ALDOA: variants seen among roughly 807,000 people sequenced by gnomAD.
The protein encoded by ALDOA is aldolase, fructose-bisphosphate A, also known as fructose-bisphosphate aldolase A.
A neutral mutation model predicts 43.9 loss-of-function variants in ALDOA; 26 were observed. That is an observed-to-expected ratio of 0.59 (90% CI 0.43 to 0.82). The LOEUF (loss-of-function observed/expected upper bound fraction) is 0.82. Among genes scored for constraint, ALDOA ranks in the 40% least tolerant of loss-of-function variants. The pLI is 0.00. For synonymous variants in ALDOA, 258 were observed against 222.6 expected (o/e 1.16, Z -1.42); for missense variants, 498 against 549.5 (o/e 0.91, Z 0.94).
chr16:30,068,833 C>CT lies in ALDOA; in HGVS notation c.558dup (p.Glu187Ter). 4 of 1,614,236 alleles carry CT rather than the reference C, an allele frequency of 2.5e-6. No individual in the cohort carries two copies. Among genetic ancestry groups the CT allele is most frequent in the Non-Finnish European group, 3.4e-6 (4 of 1,180,048 alleles). ...CTTCTCTTAGGGTTGGATGGGCTGT[C>CT]TGAGCGCTGTGCCCAGTACAAGAAG... On this transcript the variant is annotated frameshift_variant, in exon 6 of 10. Coordinates refer to ENST00000642816, the MANE Select transcript of ALDOA (RefSeq NM_001243177.4). LOFTEE classifies it high-confidence loss of function.
In ALDOA at chr16:30,067,616, C is replaced by T. The variant is rs768645456; in HGVS notation, c.441C>T (p.Pro147=). 1.4e-5 allele frequency: 22 copies of T among 1,614,044 alleles called. No homozygotes were observed. In the South Asian group the frequency reaches 1.9e-4, roughly 14 times the overall value. Residue 147 remains proline (P), a synonymous_variant, in exon 4 of 10, where the codon CCC becomes CCT. Transcript: ENST00000642816. ...ACCAGAAGGCGGATGATGGGCGTCC[C>T]TTCCCCCAAGTTATCAAATCCAAGG... The part of the protein sequence containing the change: ...TLYQKADDGR[P]FPQVIKSKGG...
Position 30,067,678 on chromosome 16 carries a change from C to T in ALDOA, c.486+17C>T, listed in dbSNP as rs78209292. 8.7e-6 allele frequency: 14 copies of T among 1,613,790 alleles called. No individual in the cohort carries two copies. The highest frequency in any genetic ancestry group is 8.0e-5 in the African/African-American group (6 of 75,000). On this transcript the variant is annotated intron_variant, in intron 4 of 9. Transcript: ENST00000642816. ...GGCATCAAGGTAAGGGGAGGGCCTC[C>T]GGACGTGAGGTTTGAGATGGAAGTG...
At position 30,068,632 on chromosome 16, in the gene ALDOA, C is replaced by T. The variant is rs1045904834; in HGVS notation, c.487-14C>T. 1.2e-6 allele frequency: 2 copies of T among 1,614,102 alleles called. No homozygotes were observed. The highest frequency in any genetic ancestry group is 2.2e-5 in the East Asian group (1 of 44,874). On this transcript the variant is annotated splice_polypyrimidine_tract_variant and intron_variant, in intron 4 of 9. Transcript: ENST00000642816. ...ATTTCCTGTGTCTTAATGTTGTTACCCTGACCCCAACAGGTAGACAAGGGC... is the reference window on the plus strand; with the variant it reads ...ATTTCCTGTGTCTTAATGTTGTTACTCTGACCCCAACAGGTAGACAAGGGC...
chr16:30,070,253 G>GCC lies in ALDOA; in HGVS notation c.*45_*46dup, dbSNP rs1423048729. The GCC allele has an allele frequency of 6.3e-7, 1 of 1,599,576 alleles. No homozygotes were observed. Among genetic ancestry groups the GCC allele is most frequent in the East Asian group, 2.2e-5 (1 of 44,818 alleles). ...GGCTGCCCCCAACACTCCAGGCCCT[G>GCC]CCCCCTCCCACTCTTGAAGAGGAGG... On this transcript the variant is annotated 3_prime_UTR_variant, in exon 10 of 10. Coordinates refer to ENST00000642816, the MANE Select transcript of ALDOA (RefSeq NM_001243177.4).
Position 30,069,940 on chromosome 16 carries a change from C to A in ALDOA, c.1072C>A (p.Arg358=). 1 of 1,614,046 alleles carries A rather than the reference C, an allele frequency of 6.2e-7. No homozygotes were observed. Among genetic ancestry groups the A allele is most frequent in the Non-Finnish European group, 8.5e-7 (1 of 1,180,030 alleles). ...KPWALTFSYG[R]ALQASALKAW... ...CTGGGCCCTGACCTTCTCCTACGGC[C>A]GAGCCCTGCAGGCCTCTGCCCTGAA... Residue 358 remains arginine (R), a synonymous_variant, in exon 9 of 10, where the codon CGA becomes AGA. Transcript: ENST00000642816.
rs1173966531 is a variant in ALDOA at position 30,070,264 on chromosome 16, C to T, written c.*52C>T. 3.8e-6 allele frequency: 6 copies of T among 1,581,022 alleles called. No individual in the cohort carries two copies. The highest frequency in any genetic ancestry group is 1.1e-5 in the South Asian group (1 of 90,312). ...ACACTCCAGGCCCTGCCCCCTCCCA[C>T]TCTTGAAGAGGAGGCCGCCTCCTCG... On this transcript the variant is annotated 3_prime_UTR_variant, in exon 10 of 10. Coordinates refer to ENST00000642816, the MANE Select transcript of ALDOA (RefSeq NM_001243177.4).
chr16:30,066,036 C>T (rs188053632), intron 1 of ALDOA, 109 bp downstream of exon 1: 3 of 153,048 alleles, frequency 2.0e-5, no homozygotes, highest in African/African-American at 2.4e-5. Flanking sequence ...ATGCCAGCGT[C>T]TCCCCACTAC....
At position 30,067,611 on chromosome 16, in the gene ALDOA, C is replaced by T. The variant is rs776187312; in HGVS notation, c.436C>T (p.Arg146Cys). The change falls in exon 4 of 10, where the codon CGT (arginine) becomes TGT (cysteine). Residue 146 changes from arginine to cysteine, a missense_variant. Transcript: ENST00000642816. ...ETLYQKADDG[R>C]PFPQVIKSKG... ...ACTCTACCAGAAGGCGGATGATGGG[C>T]GTCCCTTCCCCCAAGTTATCAAATC... The T allele has an allele frequency of 2.6e-5, 42 of 1,613,972 alleles. 1 individual carries two copies. In the South Asian group the frequency reaches 3.8e-4, roughly 15 times the overall value.
chr16:30,068,568 A>G, intron 4 of ALDOA, 78 bp from the exon 5 acceptor site: 1 of 1,498,888 alleles, frequency 6.7e-7, no homozygotes, highest in South Asian at 1.1e-5. Context: ...CCACCACTGT[A>G]CTCCAGCCGG....
intron 4 of ALDOA, 128 bp from the exon 5 acceptor site, chr16:30,068,518 A>T: frequency 1.9e-6 from 2 of 1,058,836 alleles, no homozygotes; most frequent in South Asian, 1.3e-5. Flanking sequence ...CGGGAGGATC[A>T]CTTGAGTCCA....
In ALDOA at chr16:30,070,152, G is replaced by C. The variant is rs748606517; in HGVS notation, c.1197G>C (p.Pro399=). 12 of 1,613,962 alleles carry C rather than the reference G, an allele frequency of 7.4e-6. No homozygotes were observed. Among genetic ancestry groups the C allele is most frequent in the East Asian group, 4.5e-5 (2 of 44,892 alleles). ...TTGCCTGTCAAGGAAAGTACACTCC[G>C]AGCGGTCAGGCTGGGGCTGCTGCCA... ...NSLACQGKYT[P]SGQAGAAASE... is the part of the protein sequence containing the mutation. The change falls in exon 10 of 10, where the codon CCG becomes CCC. Residue 399 remains proline, a synonymous_variant. Transcript: ENST00000642816.
chr16:30,070,085 G>C, intron 9 of ALDOA, 32 bp from the exon 10 acceptor site: 1 of 1,613,722 alleles, frequency 6.2e-7, no homozygotes, highest in Non-Finnish European at 8.5e-7. Context: ...TCGGAGAAGA[G>C]CCCTTCTCAC....
chr16:30,067,502 C>G lies in ALDOA; in HGVS notation c.327C>G (p.Asn109Lys). 6.2e-7 allele frequency: 1 copy of G among 1,613,780 alleles called. No homozygotes were observed. The highest frequency in any genetic ancestry group is 8.5e-7 in the Non-Finnish European group (1 of 1,180,022). ...TTGGCACCGAGAACACCGAGGAGAA[C>G]CGGCGCTTCTACCGCCAGCTGCTGC... is the stretch of plus-strand genomic sequence containing the variant. ...QSIGTENTEE[N>K]RRFYRQLLLT... The change falls in exon 4 of 10, where the codon AAC (asparagine) becomes AAG (lysine). Residue 109 changes from asparagine to lysine, a missense_variant. Coordinates refer to ENST00000642816, the MANE Select transcript of ALDOA (RefSeq NM_001243177.4).
Position 30,069,523 on chromosome 16 carries a change from C to A in ALDOA, c.811C>A (p.Leu271Met), listed in dbSNP as rs746350079. The A allele has an allele frequency of 6.2e-7, 1 of 1,614,116 alleles. No individual in the cohort carries two copies. Among genetic ancestry groups the A allele is most frequent in the Admixed American group, 1.7e-5 (1 of 60,020 alleles). ...GGTGCTGGCTGCTGTCTACAAGGCT[C>A]TGAGTGACCACCACATCTACCTGGA... ...EKVLAAVYKALSDHHIYLEGT... is the reference protein window; with the variant it reads ...EKVLAAVYKAMSDHHIYLEGT... Residue 271 changes from leucine to methionine, a missense_variant, in exon 8 of 10, where the codon CTG becomes ATG. Leu to Met is a conservative substitution (Grantham distance 15). Coordinates refer to ENST00000642816, the MANE Select transcript of ALDOA (RefSeq NM_001243177.4).
Position 30,068,843 on chromosome 16 carries a change from T to C in ALDOA, c.567T>C (p.Cys189=). Residue 189 remains cysteine (C), a synonymous_variant, in exon 6 of 10, where the codon TGT becomes TGC. Coordinates refer to ENST00000642816, the MANE Select transcript of ALDOA (RefSeq NM_001243177.4). The stretch of plus-strand genomic sequence containing the variant: ...GGTTGGATGGGCTGTCTGAGCGCTG[T>C]GCCCAGTACAAGAAGGACGGAGCTG... The part of the protein sequence containing the change: ...TQGLDGLSER[C]AQYKKDGADF... 1 of 1,614,236 alleles carries C rather than the reference T, an allele frequency of 6.2e-7. No homozygotes were observed. The highest frequency in any genetic ancestry group is 8.5e-7 in the Non-Finnish European group (1 of 1,180,046).
At chr16:30,068,359 C>G (rs1477979667) in intron 4 of ALDOA, 4 of 424,704 alleles carry the variant, frequency 9.4e-6, no homozygotes, top group Non-Finnish European at 1.8e-5. Context: ...CCACCATGCC[C>G]GGCTTAAGTA....
chr16:30,066,650 G>A (rs2072116293), intron 1 of ALDOA, among the ~76,000 whole-genome samples: 1 of 152,138 alleles, frequency 6.6e-6, no homozygotes, highest in Non-Finnish European at 1.5e-5. Flanking sequence ...ACCTTGGGAT[G>A]TCCTTGAAGC....
chr16:30,068,291 C>T, intron 4 of ALDOA: 1 of 356,612 alleles, frequency 2.8e-6, no homozygotes, highest in Middle Eastern at 1.0e-3. Flanking sequence ...GTCTCGATCT[C>T]CTGATCTCGT....
intron 8 of ALDOA, 25 bp from the exon 9 acceptor site, chr16:30,069,805 C>T (rs2072256349): frequency 6.2e-7 from 1 of 1,614,020 alleles, no homozygotes; most frequent in Non-Finnish European, 8.5e-7. Context: ...ACCACAGCCC[C>T]TCTCGCCTCA....
Sources: gnomAD v4.1 joint callset for allele counts (sites outside exome capture counted in the v4.1 genomes callset) on GRCh38, gnomAD v4.1.1 for gene constraint, MANE v1.5 for transcripts, NCBI Gene and HGNC (gene_info 2026-07-23, HGNC 2026-07-21) for gene names.